CMIP: variants seen among roughly 807,000 people sequenced by gnomAD.
The protein encoded by CMIP is C-Maf-inducing protein.
CMIP carries 13 observed loss-of-function variants against 97.3 expected under a neutral mutation model. The ratio of observed to expected loss-of-function variants is 0.13; its 90% CI spans 0.09 to 0.21. The LOEUF (loss-of-function observed/expected upper bound fraction) is 0.21, where lower values mean the gene tolerates loss of function less well. Among genes scored for constraint, CMIP ranks in the 10% least tolerant of loss-of-function variants. CMIP has a pLI of 1.00. For missense variants in CMIP, 847 were observed against 1,024.9 expected, an observed-to-expected ratio of 0.83 and a Z score of 2.37; for synonymous variants, 538 against 436.3, an observed-to-expected ratio of 1.23 and a Z score of -2.91.
At chr16:81,576,598 C>A (rs1470802379) in intron 1 of CMIP, among the ~76,000 whole-genome samples, 1 of 152,100 alleles carries the variant, frequency 6.6e-6, no homozygotes, top group African/African-American at 2.4e-5. Context: ...GGATACGTAG[C>A]CAATGAGAGG....
rs1226697900 is a variant in CMIP, at chr16:81,627,035, G to A, written c.477+6109G>A. ...TAGGGTGACTGTTTTATGAGTATGT[G>A]TGCATGGCATGTGAGGTGACTGTTT... On this transcript the variant is annotated intron_variant, in intron 3 of 20. Transcript: ENST00000537098. The surrounding 1 kb of genome is among the most constrained non-coding windows in gnomAD (Gnocchi z 4.6). Among the ~76,000 whole-genome samples, 2 of 149,842 alleles carry A rather than the reference G, an allele frequency of 1.3e-5. No individual in the cohort carries two copies. Among genetic ancestry groups the A allele is most frequent in the Non-Finnish European group, 3.0e-5 (2 of 67,474 alleles).
intron 1 of CMIP, among the ~76,000 whole-genome samples, chr16:81,485,693 CCT>C (rs773045710): frequency 5.9e-5 from 9 of 152,322 alleles, no homozygotes; most frequent in Middle Eastern, 6.8e-3. Context: ...TATGCCAGAT[CCT>C]TTTTTGAGAA....
chr16:81,533,041 A>G (rs1482794804), intron 1 of CMIP, among the ~76,000 whole-genome samples: 1 of 152,144 alleles, frequency 6.6e-6, no homozygotes, highest in African/African-American at 2.4e-5. Context: ...TCCTGTCAGA[A>G]GTCACCTCCT....
chr16:81,553,072 G>A (rs528603355), intron 1 of CMIP, among the ~76,000 whole-genome samples: 1 of 152,196 alleles, frequency 6.6e-6, no homozygotes, highest in African/African-American at 2.4e-5. Flanking sequence ...GGGGATAAAT[G>A]TTGTGAAGAC....
intron 1 of CMIP, among the ~76,000 whole-genome samples, chr16:81,496,967 A>G (rs1315724240): frequency 6.6e-6 from 1 of 152,244 alleles, no homozygotes; most frequent in South Asian, 2.1e-4. Flanking sequence ...GGGGGGTTCA[A>G]CAGTTGGAAG....
chr16:81,457,800 G>GT (rs1241162732), intron 1 of CMIP, among the ~76,000 whole-genome samples: 1 of 152,236 alleles, frequency 6.6e-6, no homozygotes, highest in Non-Finnish European at 1.5e-5. Context: ...GAAAAACAAT[G>GT]TGGGGGCCTT....
intron 1 of CMIP, among the ~76,000 whole-genome samples, chr16:81,454,792 G>T (rs985207400): frequency 6.6e-6 from 1 of 152,202 alleles, no homozygotes; most frequent in African/African-American, 2.4e-5. Context: ...GTGTTTGGAC[G>T]GAGGAAGAGA....
intron 1 of CMIP, among the ~76,000 whole-genome samples, chr16:81,567,889 T>G (rs1050480524): frequency 5.3e-5 from 8 of 152,162 alleles, no homozygotes; most frequent in African/African-American, 1.9e-4. Flanking sequence ...TGACTTGACT[T>G]GTTAGCAGCT....
intron 14 of CMIP, among the ~76,000 whole-genome samples, chr16:81,699,182 C>A (rs112163614): frequency 0.029 from 4,473 of 152,064 alleles, 238 homozygotes; most frequent in African/African-American, 0.1. Context: ...TGAACCCAAG[C>A]GGCAGAGGTT....
At chr16:81,572,075 G>A (rs574391586) in intron 1 of CMIP, among the ~76,000 whole-genome samples, 3 of 152,340 alleles carry the variant, frequency 2.0e-5, no homozygotes, top group East Asian at 1.9e-4. Flanking sequence ...CTTTGATGTC[G>A]TGTTCTGGCG....
At chr16:81,604,364 C>G (rs1450997183) in intron 1 of CMIP, among the ~76,000 whole-genome samples, 1 of 143,624 alleles carries the variant, frequency 7.0e-6, no homozygotes, top group Non-Finnish European at 1.5e-5. Flanking sequence ...CCATTGTACT[C>G]CAGTCGGGGT....
intron 1 of CMIP, among the ~76,000 whole-genome samples, chr16:81,564,442 C>T (rs767365138): frequency 6.6e-6 from 1 of 152,222 alleles, no homozygotes; most frequent in African/African-American, 2.4e-5. Context: ...AAAGCTATTA[C>T]AGAGGAATCT....
At chr16:81,667,793 A>AGTGTGT (rs1293557141) in intron 7 of CMIP, among the ~76,000 whole-genome samples, 54 of 89,554 alleles carry the variant, frequency 6.0e-4, no homozygotes, top group East Asian at 4.3e-3. Context: ...AGAGAGAGAG[A>AGTGTGT]GAGAGAGTGT....
At position 81,590,270 on chromosome 16, in the gene CMIP, G is replaced by A. The variant is rs745550042; in HGVS notation, c.301-17297G>A. On this transcript the variant is annotated intron_variant, in intron 1 of 20. Coordinates refer to ENST00000537098, the MANE Select transcript of CMIP (RefSeq NM_198390.3). The stretch of plus-strand genomic sequence containing the variant: ...TTCCTTCCCTACCTCCCATTCCTTC[G>A]TCTCAACCTCTTTTCCTGGTATTCT... Among the ~76,000 whole-genome samples, 14 of 151,658 alleles carry A rather than the reference G, an allele frequency of 9.2e-5. No individual in the cohort carries two copies. The South Asian group carries it at 1.3e-3, about 14-fold the overall frequency.
At chr16:81,565,389 G>C (rs1052169775) in intron 1 of CMIP, among the ~76,000 whole-genome samples, 3 of 152,160 alleles carry the variant, frequency 2.0e-5, no homozygotes, top group African/African-American at 7.2e-5. Flanking sequence ...GCAGGGGCCA[G>C]AGCCTGCGGC....
intron 1 of CMIP, among the ~76,000 whole-genome samples, chr16:81,458,637 G>T (rs1314062809): frequency 6.6e-6 from 1 of 152,192 alleles, no homozygotes; most frequent in East Asian, 1.9e-4. Context: ...CTTGCAGGGA[G>T]GTGGAGGCGT....
At chr16:81,654,092 AC>A (rs2151009903) in intron 4 of CMIP, among the ~76,000 whole-genome samples, 2 of 152,244 alleles carry the variant, frequency 1.3e-5, no homozygotes, top group South Asian at 4.1e-4. Flanking sequence ...CTCAACCACC[AC>A]CACACCCTTA....
intron 10 of CMIP, 24 bp downstream of exon 10, chr16:81,678,652 GCCCC>G: frequency 1.7e-6 from 2 of 1,157,160 alleles, no homozygotes; most frequent in Non-Finnish European, 2.5e-6. Context: ...CCGCGTGCCC[GCCCC>G]CGGGGCCGGT....
At chr16:81,671,463 A>T (rs1015830521) in intron 8 of CMIP, among the ~76,000 whole-genome samples, 6 of 152,186 alleles carry the variant, frequency 3.9e-5, no homozygotes, top group African/African-American at 1.4e-4. Context: ...AGCCAAAATG[A>T]CCCTCATCAT....
Sources: gnomAD v4.1 joint callset for allele counts (sites outside exome capture counted in the v4.1 genomes callset) on GRCh38, gnomAD v4.1.1 for gene constraint, Gnocchi (gnomAD v3.1) non-coding constraint, MANE v1.5 for transcripts, NCBI Gene and HGNC (gene_info 2026-07-23, HGNC 2026-07-21) for gene names.